Variants in ACO1 observed in about 807,000 individuals in gnomAD.
The protein encoded by ACO1 is aconitase 1, also known as cytoplasmic aconitate hydratase.
In ACO1, 78 loss-of-function variants were observed where a neutral mutation model predicts 105.1. That is an observed-to-expected ratio of 0.74 (90% CI 0.62 to 0.90). ACO1 has a LOEUF of 0.90. Ranked by LOEUF, ACO1 falls within the 40% of genes least tolerant of loss-of-function variation. ACO1 has a pLI of 0.00. For missense variants in ACO1, 965 were observed against 1,111.1 expected (o/e 0.87, Z 1.87); for synonymous variants, 364 against 397.4 (o/e 0.92, Z 1.00).
Position 32,439,070 on chromosome 9 carries a change from AAAGT to A in ACO1, c.2248-1394_2248-1391del, listed in dbSNP as rs1428418286. 1.3e-5 allele frequency among the ~76,000 whole-genome samples: 2 copies of A among 152,218 alleles called. No homozygotes were observed. Among genetic ancestry groups the A allele is most frequent in the African/African-American group, 2.4e-5 (1 of 41,448 alleles). On this transcript the variant is annotated intron_variant, in intron 18 of 20. Transcript: ENST00000309951. The surrounding 1 kb of genome is among the most constrained non-coding windows in gnomAD (Gnocchi z 4.0). ...CTCTCAGCATGGCGTGTTTAATAGA[AAAGT>A]CAGGAGACGTGAGTTCTAGACCTGC... is the stretch of plus-strand genomic sequence containing the variant.
chr9:32,450,393 C>G lies in ACO1; in HGVS notation c.*282C>G, dbSNP rs1822736551. 1.7e-5 allele frequency: 8 copies of G among 467,506 alleles called. No individual in the cohort carries two copies. Among genetic ancestry groups the G allele is most frequent in the Non-Finnish European group, 2.8e-5 (7 of 247,188 alleles). The allele number at this position is 467,506 out of a possible 1,614,324, so 29.0% of individuals were successfully genotyped here. On this transcript the variant is annotated 3_prime_UTR_variant, in exon 21 of 21. Transcript: ENST00000309951. ...AGAACCAAGCTTGTCTTTAAAGTTA[C>G]TGATCACAGGACGTTGCTTTTTCAC...
chr9:32,413,159 C>G (rs1449879082), intron 4 of ACO1, among the ~76,000 whole-genome samples: 2 of 151,872 alleles, frequency 1.3e-5, no homozygotes, highest in African/African-American at 4.8e-5. Context: ...GATTGATAAC[C>G]AAATCTAGCA....
chr9:32,433,528 T>C (rs10970976), intron 15 of ACO1, among the ~76,000 whole-genome samples, 200 bp from the exon 16 acceptor site: 48,994 of 152,020 alleles, frequency 0.32, 8,023 homozygotes, highest in East Asian at 0.51. Context: ...TGAGCTACCA[T>C]GCCCAGCCCA....
At chr9:32,427,098 G>T (rs1822116388) in intron 11 of ACO1, among the ~76,000 whole-genome samples, 1 of 152,114 alleles carries the variant, frequency 6.6e-6, no homozygotes, top group African/African-American at 2.4e-5. Context: ...TGAGTTTACT[G>T]CATATATCTA....
intron 19 of ACO1, among the ~76,000 whole-genome samples, chr9:32,442,163 G>A (rs117535098): frequency 6.6e-6 from 1 of 151,944 alleles, no homozygotes; most frequent in Non-Finnish European, 1.5e-5. Context: ...AAGGAGAAAG[G>A]CCTGGACATT....
intron 1 of ACO1, among the ~76,000 whole-genome samples, chr9:32,392,978 T>C (rs1362625783): frequency 6.6e-6 from 1 of 152,202 alleles, no homozygotes; most frequent in Non-Finnish European, 1.5e-5. Context: ...AATCCCATCA[T>C]CTTCATAAGC....
At chr9:32,399,762 G>T (rs371999449) in intron 1 of ACO1, among the ~76,000 whole-genome samples, 1 of 150,454 alleles carries the variant, frequency 6.6e-6, no homozygotes, top group Non-Finnish European at 1.5e-5. Flanking sequence ...GAGGTTTATT[G>T]TTGAGTGAAA....
At chr9:32,398,693 C>T (rs1275685226) in intron 1 of ACO1, among the ~76,000 whole-genome samples, 1 of 151,920 alleles carries the variant, frequency 6.6e-6, no homozygotes, top group Non-Finnish European at 1.5e-5. Flanking sequence ...TTCCAGGCTC[C>T]AGCGATCCTC....
At chr9:32,426,539 A>G (rs1013222581) in intron 11 of ACO1, among the ~76,000 whole-genome samples, 2 of 152,188 alleles carry the variant, frequency 1.3e-5, no homozygotes, top group Non-Finnish European at 2.9e-5. Context: ...AGCTCCTCTT[A>G]TATCCATCCA....
chr9:32,432,763 A>G (rs1462555059), intron 15 of ACO1, among the ~76,000 whole-genome samples: 2 of 152,214 alleles, frequency 1.3e-5, no homozygotes, highest in East Asian at 3.8e-4. Context: ...GCTGTGATAT[A>G]GCAATAGATA....
chr9:32,399,966 G>GTTTTTTTTTTTTTTTTTTTTTTTTTTT (rs57615512), intron 1 of ACO1, among the ~76,000 whole-genome samples: 1 of 69,840 alleles, frequency 1.4e-5, no homozygotes, highest in African/African-American at 6.1e-5. Flanking sequence ...TTCTTTTTCT[G>GTTTTTTTTTTTTTTTTTTTTTTTTTTT]TTTTTTTTTT....
intron 1 of ACO1, 90 bp from the exon 2 acceptor site, chr9:32,405,395 C>A: frequency 1.4e-6 from 1 of 702,782 alleles, no homozygotes; most frequent in Non-Finnish European, 2.5e-6. Context: ...CTAAAAGAAA[C>A]ATAGTAAAAA....
intron 7 of ACO1, 103 bp from the exon 8 acceptor site, chr9:32,420,753 G>A: frequency 1.7e-6 from 2 of 1,208,532 alleles, no homozygotes; most frequent in African/African-American, 1.5e-5. Context: ...TTACTATTTG[G>A]GTTTACTGAC....
rs1822805562 is a variant in ACO1, at chr9:32,453,134, C to T, written c.*3023C>T. ...CCATATTCTTTGCGAATGAAGATTC[C>T]CCTGTTTGTTTGGATAGTTTTCCAA... On this transcript the variant is annotated 3_prime_UTR_variant, in exon 21 of 21. Coordinates refer to ENST00000309951, the MANE Select transcript of ACO1 (RefSeq NM_002197.3). 7.0e-6 allele frequency: 1 copy of T among 143,250 alleles called. No homozygotes were observed. The highest frequency in any genetic ancestry group is 1.5e-5 in the Non-Finnish European group (1 of 64,518). The allele number at this position is 143,250 out of a possible 1,614,324, so 8.9% of individuals were successfully genotyped here.
chr9:32,408,495 A>G lies in ACO1; in HGVS notation c.267-19A>G. The G allele has an allele frequency of 1.2e-6, 2 of 1,613,036 alleles. No individual in the cohort carries two copies. The highest frequency in any genetic ancestry group is 1.7e-6 in the Non-Finnish European group (2 of 1,179,642). On this transcript the variant is annotated intron_variant, in intron 3 of 20. Transcript: ENST00000309951. Reference sequence around the variant, plus strand: ...ACATTTAAGGCTTATTTTCTGCATTATTCTCTTTCTTCTCTTAGGGGTGTG... The same window carrying G: ...ACATTTAAGGCTTATTTTCTGCATTGTTCTCTTTCTTCTCTTAGGGGTGTG...
At chr9:32,424,290 C>T (rs1043356429) in intron 9 of ACO1, among the ~76,000 whole-genome samples, 2 of 152,226 alleles carry the variant, frequency 1.3e-5, no homozygotes, top group African/African-American at 4.8e-5. Context: ...ATCTGCAGCA[C>T]CCACCCTGTT....
chr9:32,426,018 C>A (rs761183852), intron 11 of ACO1, 21 bp downstream of exon 11: 5 of 1,611,550 alleles, frequency 3.1e-6, no homozygotes. Context: ...TTGACTCCAT[C>A]CTCATGGTCA....
intron 4 of ACO1, among the ~76,000 whole-genome samples, chr9:32,411,125 T>G (rs1162381136): frequency 6.6e-6 from 1 of 152,132 alleles, no homozygotes; most frequent in Admixed American, 6.5e-5. Context: ...ATCACATGGT[T>G]GAGCCCAAAG....
In ACO1 at chr9:32,445,512, TATTA is replaced by T. The variant is rs548114631; in HGVS notation, c.2371-3383_2371-3380del. On this transcript the variant is annotated intron_variant, in intron 19 of 20. Transcript: ENST00000309951. Reference sequence around the variant, plus strand: ...TTTGATTCTTCTCTCTTTCCTTCTTTATTAGTCTGGCTAGCAGTCTGTTTTGTTG... The same window carrying T: ...TTTGATTCTTCTCTCTTTCCTTCTTTGTCTGGCTAGCAGTCTGTTTTGTTG... The T allele has an allele frequency of 2.3e-3, 454 of 193,864 alleles. 4 individuals are homozygous for T. The highest frequency in any genetic ancestry group is 9.9e-3 in the African/African-American group (416 of 41,988). 12.0% of individuals were successfully genotyped at this position (193,864 alleles called of 1,614,324 possible).
Sources: allele counts gnomAD v4.1 joint callset (sites outside exome capture counted in the v4.1 genomes callset), GRCh38; gene constraint gnomAD v4.1.1; non-coding constraint Gnocchi (gnomAD v3.1); transcripts MANE v1.5; gene names NCBI Gene and HGNC (gene_info 2026-07-23, HGNC 2026-07-21).